Variants in TMEM209 observed in about 807,000 individuals in gnomAD.
The protein encoded by TMEM209 is testicular tissue protein Li 202.
In TMEM209, 65 loss-of-function variants were observed where a neutral mutation model predicts 76.2. The ratio of observed to expected loss-of-function variants is 0.85; its 90% CI spans 0.70 to 1.05. The LOEUF is 1.05. Ranked by LOEUF, TMEM209 falls within the 50% of genes least tolerant of loss-of-function variation. TMEM209 has a pLI of 0.00. For missense variants in TMEM209, 623 were observed against 685.5 expected, an observed-to-expected ratio of 0.91 and a Z score of 1.02; for synonymous variants, 239 against 237.6, an observed-to-expected ratio of 1.01 and a Z score of -0.06.
intron 9 of TMEM209, among the ~76,000 whole-genome samples, chr7:130,180,532 TTA>T (rs1797377640): frequency 2.0e-5 from 3 of 151,756 alleles, no homozygotes; most frequent in Non-Finnish European, 4.4e-5. Flanking sequence ...CCATGCTCGG[TTA>T]ATTTTGTATT....
chr7:130,193,389 T>C (rs750786081), intron 5 of TMEM209, among the ~76,000 whole-genome samples: 9 of 151,956 alleles, frequency 5.9e-5, no homozygotes, highest in Non-Finnish European at 1.2e-4. Flanking sequence ...AAATACAAAA[T>C]TAGCTGGGCG....
rs1797308962 is a variant in TMEM209, at chr7:130,178,396, A to C, written c.1246+6T>G. 6.3e-7 allele frequency: 1 copy of C among 1,599,044 alleles called. No individual in the cohort carries two copies. Among genetic ancestry groups the C allele is most frequent in the Non-Finnish European group, 8.5e-7 (1 of 1,172,114 alleles). On this transcript the variant is annotated splice_donor_region_variant and intron_variant, in intron 10 of 14. Transcript: ENST00000397622. The stretch of plus-strand genomic sequence containing the variant: ...CTTATTTTTTTCTCTTCAAATCAAT[A>C]ATTACCTTTGATCCTTTCAAACAAG...
At chr7:130,172,222 CATGTT>C (rs1404606092) in intron 13 of TMEM209, among the ~76,000 whole-genome samples, 1 of 152,100 alleles carries the variant, frequency 6.6e-6, no homozygotes, top group Non-Finnish European at 1.5e-5. Flanking sequence ...AATTTGGTAA[CATGTT>C]ATTTTTAAAG....
At chr7:130,202,157 T>C in intron 4 of TMEM209, 66 bp from the exon 5 acceptor site, 2 of 1,518,156 alleles carry the variant, frequency 1.3e-6, no homozygotes, top group Non-Finnish European at 1.8e-6. Context: ...AAAATATATT[T>C]AAGCAACTAA....
chr7:130,204,132 A>G, intron 1 of TMEM209, 22 bp from the exon 2 acceptor site: 1 of 1,593,000 alleles, frequency 6.3e-7, no homozygotes. Flanking sequence ...CAAAAAGCAC[A>G]GGAATTAACC....
intron 5 of TMEM209, among the ~76,000 whole-genome samples, chr7:130,195,119 TTTTC>T (rs1374761496): frequency 2.0e-5 from 3 of 152,300 alleles, no homozygotes; most frequent in South Asian, 2.1e-4. Flanking sequence ...GCTCATTTGT[TTTTC>T]TTTATTAACT....
At chr7:130,198,954 C>T (rs1312594346) in intron 5 of TMEM209, among the ~76,000 whole-genome samples, 1 of 152,094 alleles carries the variant, frequency 6.6e-6, no homozygotes, top group Non-Finnish European at 1.5e-5. Flanking sequence ...TTGTTGCCTA[C>T]TTTATCAGAC....
chr7:130,202,004 A>G lies in TMEM209; in HGVS notation c.419T>C (p.Leu140Ser). 6.2e-7 allele frequency: 1 copy of G among 1,613,926 alleles called. No individual in the cohort carries two copies. The highest frequency in any genetic ancestry group is 1.1e-5 in the South Asian group (1 of 91,070). Residue 140 changes from leucine to serine, a missense_variant, in exon 5 of 15, where the codon TTG becomes TCG. By Grantham distance (145) the Leu-to-Ser change is moderately radical. Transcript: ENST00000397622. ...PSPSIQGQSV[L>S]SYSPSRSPST... ...GGGCGAACGAGAAGGGCTATAACTC[A>G]ACACACTCTGACCCTGAATTGAAGG...
intron 3 of TMEM209, among the ~76,000 whole-genome samples, chr7:130,202,958 G>A (rs1012208765): frequency 2.0e-5 from 3 of 151,838 alleles, no homozygotes; most frequent in East Asian, 1.9e-4. Flanking sequence ...GTGTGGTGAC[G>A]CACACCTGTA....
chr7:130,175,230 G>C, intron 11 of TMEM209: 1 of 300,352 alleles, frequency 3.3e-6, no homozygotes. Flanking sequence ...GGGAAGCTGA[G>C]GCAGGGGGAT....
chr7:130,201,427 GA>G (rs35779579), intron 5 of TMEM209, among the ~76,000 whole-genome samples: 1,696 of 145,446 alleles, frequency 0.012, 38 homozygotes, highest in African/African-American at 0.04. Context: ...GTACTCATTG[GA>G]AAAAAAAAAG....
chr7:130,174,027 G>A (rs565870652), intron 11 of TMEM209, 88 bp from the exon 12 acceptor site: 16 of 879,068 alleles, frequency 1.8e-5, no homozygotes, highest in East Asian at 2.5e-5. Flanking sequence ...TATTTATAAC[G>A]ATTCCAATTA....
intron 6 of TMEM209, among the ~76,000 whole-genome samples, chr7:130,190,735 G>A (rs956393749): frequency 3.9e-5 from 6 of 152,042 alleles, no homozygotes; most frequent in African/African-American, 7.2e-5. Context: ...AATGGCTTAC[G>A]CCTATAATCC....
At chr7:130,166,556 G>A in intron 14 of TMEM209, 51 bp from the exon 15 acceptor site, 2 of 1,260,512 alleles carry the variant, frequency 1.6e-6, no homozygotes, top group Non-Finnish European at 2.2e-6. Flanking sequence ...AGCATTTAAG[G>A]TCTTTTTCTA....
At chr7:130,193,707 T>A (rs1419749758) in intron 5 of TMEM209, among the ~76,000 whole-genome samples, 1 of 151,792 alleles carries the variant, frequency 6.6e-6, no homozygotes, top group African/African-American at 2.4e-5. Context: ...AAAAAAACAC[T>A]GGTTAACAGG....
intron 11 of TMEM209, among the ~76,000 whole-genome samples, chr7:130,174,198 A>G (rs1361074438): frequency 2.0e-5 from 3 of 152,220 alleles, no homozygotes; most frequent in Admixed American, 6.5e-5. Flanking sequence ...GGAATTCACT[A>G]ATTCCTCTCT....
chr7:130,181,590 A>C, intron 9 of TMEM209, 33 bp downstream of exon 9: 5 of 1,562,412 alleles, frequency 3.2e-6, no homozygotes, highest in Non-Finnish European at 4.4e-6. Flanking sequence ...ATTTACTAAT[A>C]GAAATCCAAC....
Position 130,166,284 on chromosome 7 carries a change from T to G in TMEM209, c.*167A>C, listed in dbSNP as rs1796880648. Reference sequence around the variant, plus strand: ...TCGATATAGAAGATACGGGACATATTTTTACAATTACATTTCATAACAGCT... The same window carrying G: ...TCGATATAGAAGATACGGGACATATGTTTACAATTACATTTCATAACAGCT... On this transcript the variant is annotated 3_prime_UTR_variant, in exon 15 of 15. Transcript: ENST00000397622. 8.6e-6 allele frequency: 4 copies of G among 467,296 alleles called. No homozygotes were observed. The highest frequency in any genetic ancestry group is 5.4e-4 in the Middle Eastern group (1 of 1,850). 28.9% of individuals were successfully genotyped at this position (467,296 alleles called of 1,614,324 possible).
chr7:130,187,598 C>A (rs898681130), intron 6 of TMEM209, among the ~76,000 whole-genome samples: 25 of 148,988 alleles, frequency 1.7e-4, no homozygotes, highest in African/African-American at 6.2e-4. Context: ...AAAATCTGTT[C>A]AATGGGACCA....
Sources: allele counts gnomAD v4.1 joint callset (sites outside exome capture counted in the v4.1 genomes callset), GRCh38; gene constraint gnomAD v4.1.1; transcripts MANE v1.5; gene names NCBI Gene and HGNC (gene_info 2026-07-23, HGNC 2026-07-21).